The following RGS20 variants were observed in gnomAD, a reference collection of about 807,000 sequenced individuals.
The protein encoded by RGS20 is gz-selective GTPase-activating protein.
RGS20 carries 30 observed loss-of-function variants against 33.6 expected under a neutral mutation model. That is an observed-to-expected ratio of 0.89 (90% confidence interval 0.67 to 1.21). The LOEUF (loss-of-function observed/expected upper bound fraction) is 1.21, where lower values mean the gene tolerates loss of function less well. Among genes scored for constraint, RGS20 ranks in the 50% most tolerant of loss-of-function variants. The pLI is 0.00. For missense variants in RGS20, 472 were observed against 502.4 expected (o/e 0.94, Z 0.58); for synonymous variants, 208 against 197.9 (o/e 1.05, Z -0.43).
intron 2 of RGS20, among the ~76,000 whole-genome samples, chr8:53,919,586 T>G (rs79857339): frequency 0.053 from 7,999 of 151,282 alleles, 632 homozygotes; most frequent in African/African-American, 0.18. Context: ...AAGCATAACA[T>G]TTTTTCTTTT....
intron 2 of RGS20, among the ~76,000 whole-genome samples, chr8:53,932,001 T>C (rs939541586): frequency 1.3e-5 from 2 of 152,238 alleles, no homozygotes; most frequent in African/African-American, 2.4e-5. Context: ...ATTTCATTTC[T>C]TCTTTGCTTA....
chr8:53,880,772 A>T, intron 2 of RGS20, 100 bp from the exon 1 acceptor site: 1 of 1,032,974 alleles, frequency 9.7e-7, no homozygotes, highest in Non-Finnish European at 1.3e-6. Flanking sequence ...CCTCGGGGGT[A>T]CCCCTAGCAC....
chr8:53,934,232 T>C (rs1163918085), intron 2 of RGS20, among the ~76,000 whole-genome samples: 5 of 152,164 alleles, frequency 3.3e-5, no homozygotes, highest in Non-Finnish European at 7.4e-5. Flanking sequence ...AGCATCATAA[T>C]GACAGGATCA....
chr8:53,858,297 G>A (rs1811727425), intron 1 of RGS20, among the ~76,000 whole-genome samples: 1 of 152,020 alleles, frequency 6.6e-6, no homozygotes, highest in African/African-American at 2.4e-5. Flanking sequence ...TCTAATCTGA[G>A]CACCTGTACA....
At chr8:53,899,354 G>A (rs922222978) in intron 2 of RGS20, among the ~76,000 whole-genome samples, 1 of 152,144 alleles carries the variant, frequency 6.6e-6, no homozygotes, top group Admixed American at 6.5e-5. Context: ...TATGTCAGGC[G>A]AACAAGTTAG....
In RGS20 at chr8:53,954,067, T is replaced by C; in HGVS notation, c.744-9T>C. 6.2e-7 allele frequency: 1 copy of C among 1,602,936 alleles called. No homozygotes were observed. Among genetic ancestry groups the C allele is most frequent in the Non-Finnish European group, 8.5e-7 (1 of 1,169,972 alleles). ...CCCTTTTGCCCCCTCTCTTTTGGTC[T>C]CCACGAAGCCCTGCTCCTACTCTGG... On this transcript the variant is annotated splice_polypyrimidine_tract_variant and intron_variant, in intron 4 of 5. Coordinates refer to ENST00000297313, the MANE Select transcript of RGS20 (RefSeq NM_170587.4).
intron 1 of RGS20, among the ~76,000 whole-genome samples, chr8:53,862,176 A>G (rs1276955085): frequency 6.6e-6 from 1 of 152,058 alleles, no homozygotes; most frequent in Non-Finnish European, 1.5e-5. Context: ...ATCCACAGAC[A>G]TACCCTAGGA....
chr8:53,939,532 G>T, intron 2 of RGS20, 44 bp from the exon 2 acceptor site: 1 of 1,438,422 alleles, frequency 7.0e-7, no homozygotes, highest in Non-Finnish European at 9.2e-7. Context: ...CCTTCATAAC[G>T]CTGGAACCCC....
chr8:53,893,073 C>T (rs919239542), intron 2 of RGS20, among the ~76,000 whole-genome samples: 1 of 151,908 alleles, frequency 6.6e-6, no homozygotes, highest in Non-Finnish European at 1.5e-5. Context: ...TTAACTACTT[C>T]GTGTTATATC....
At chr8:53,939,209 C>T (rs1208636228) in intron 2 of RGS20, among the ~76,000 whole-genome samples, 2 of 152,152 alleles carry the variant, frequency 1.3e-5, no homozygotes, top group Admixed American at 6.5e-5. Flanking sequence ...CCATCCCTGT[C>T]CCCCTTTGGT....
At chr8:53,949,736 A>AAT (rs1814656660) in intron 4 of RGS20, among the ~76,000 whole-genome samples, 6 of 151,962 alleles carry the variant, frequency 3.9e-5, no homozygotes, top group Admixed American at 3.9e-4. Flanking sequence ...ATCAATCAAT[A>AAT]AAGGGAGAGG....
intron 2 of RGS20, among the ~76,000 whole-genome samples, chr8:53,932,686 G>A (rs2129289018): frequency 6.6e-6 from 1 of 152,318 alleles, no homozygotes; most frequent in Non-Finnish European, 1.5e-5. Context: ...GGGGGAAGGG[G>A]CAGCTATGGG....
At chr8:53,873,094 G>A (rs1191541768) in intron 1 of RGS20, among the ~76,000 whole-genome samples, 1 of 152,048 alleles carries the variant, frequency 6.6e-6, no homozygotes, top group Non-Finnish European at 1.5e-5. Context: ...AGGAGATCTG[G>A]TTGTTTAAAA....
chr8:53,947,081 CATAT>C (rs1289648322), intron 4 of RGS20, among the ~76,000 whole-genome samples: 1 of 144,722 alleles, frequency 6.9e-6, no homozygotes, highest in Non-Finnish European at 1.5e-5. Context: ...TAAGATATAG[CATAT>C]ATATTTATAT....
At chr8:53,921,358 T>C (rs992987879) in intron 2 of RGS20, among the ~76,000 whole-genome samples, 1 of 152,154 alleles carries the variant, frequency 6.6e-6, no homozygotes, top group African/African-American at 2.4e-5. Flanking sequence ...GAACAGTTTT[T>C]GAAGAACTGG....
intron 1 of RGS20, among the ~76,000 whole-genome samples, chr8:53,853,224 T>C (rs566463097): frequency 1.3e-5 from 2 of 152,284 alleles, no homozygotes; most frequent in South Asian, 2.1e-4. Flanking sequence ...AATATACCCA[T>C]TGTATGGTGC....
At chr8:53,865,536 T>A (rs1391993313) in intron 1 of RGS20, among the ~76,000 whole-genome samples, 1 of 152,250 alleles carries the variant, frequency 6.6e-6, no homozygotes, top group Admixed American at 6.5e-5. Flanking sequence ...TCAAAGTTCA[T>A]TCATTTAACA....
intron 5 of RGS20, 114 bp from the exon 5 acceptor site, chr8:53,958,156 A>C: frequency 2.6e-6 from 2 of 775,852 alleles, no homozygotes; most frequent in Non-Finnish European, 3.9e-6. Flanking sequence ...AAACAACAAA[A>C]AAACCAAAAA....
chr8:53,911,918 G>C (rs1042422001), intron 2 of RGS20, among the ~76,000 whole-genome samples: 1 of 152,186 alleles, frequency 6.6e-6, no homozygotes, highest in Non-Finnish European at 1.5e-5. Flanking sequence ...TCCAGCTTGG[G>C]TGATGGAGTG....
Sources: gnomAD v4.1 joint callset for allele counts (sites outside exome capture counted in the v4.1 genomes callset) on GRCh38, gnomAD v4.1.1 for gene constraint, MANE v1.5 for transcripts, NCBI Gene and HGNC (gene_info 2026-07-23, HGNC 2026-07-21) for gene names.